Variants in NRG3 observed in about 807,000 individuals in gnomAD.
NRG3 encodes the protein pro-neuregulin-3, membrane-bound isoform.
NRG3 carries 31 observed loss-of-function variants against 66.9 expected under a neutral mutation model. That is an observed-to-expected ratio of 0.46 (90% CI 0.35 to 0.63). The LOEUF (loss-of-function observed/expected upper bound fraction) is 0.63. NRG3 is among the 20% of genes least tolerant of loss of function. NRG3 has a pLI of 0.00. For synonymous variants in NRG3, 393 were observed against 359.4 expected (o/e 1.09, Z -1.06); for missense variants, 910 against 878.9 (o/e 1.04, Z -0.45).
At chr10:82,633,695 C>T (rs982529168) in intron 2 of NRG3, among the ~76,000 whole-genome samples, 2 of 152,106 alleles carry the variant, frequency 1.3e-5, no homozygotes, top group African/African-American at 4.8e-5. Context: ...AAAGTCTGTT[C>T]CAGCGAGCTC....
chr10:81,975,070 C>G (rs558408338), intron 1 of NRG3, among the ~76,000 whole-genome samples: 2 of 151,188 alleles, frequency 1.3e-5, no homozygotes, highest in South Asian at 2.1e-4. Context: ...ACATATAGCT[C>G]TACACACAGC....
At chr10:82,264,230 A>G (rs996831719) in intron 1 of NRG3, among the ~76,000 whole-genome samples, 1 of 152,138 alleles carries the variant, frequency 6.6e-6, no homozygotes, top group African/African-American at 2.4e-5. Context: ...GGTTTAATGG[A>G]CTCACAGTTC....
chr10:81,875,316 G>A lies in NRG3; in HGVS notation c.-25G>A. On this transcript the variant is annotated 5_prime_UTR_variant, in exon 1 of 9. Coordinates refer to ENST00000372141, the MANE Select transcript of NRG3 (RefSeq NM_001010848.4). The surrounding 1 kb of genome is among the most constrained non-coding windows in gnomAD (Gnocchi z 5.3). Reference sequence around the variant, plus strand: ...TGCCTCTGCCGCGGCCCTCGGGGGGGCGAAGGTGAAGACCGGCTCCTAGGA... The same window carrying A: ...TGCCTCTGCCGCGGCCCTCGGGGGGACGAAGGTGAAGACCGGCTCCTAGGA... 3 of 984,760 alleles carry A rather than the reference G, an allele frequency of 3.0e-6. No individual in the cohort carries two copies. Among genetic ancestry groups the A allele is most frequent in the South Asian group, 4.5e-5 (1 of 22,114 alleles). 61.0% of individuals were successfully genotyped at this position (984,760 alleles called of 1,614,324 possible). A position where few individuals can be genotyped will look rare whatever the true frequency, so the allele number is the denominator to read the frequency against.
intron 1 of NRG3, among the ~76,000 whole-genome samples, chr10:82,150,731 C>T (rs1220837427): frequency 6.6e-6 from 1 of 152,054 alleles, no homozygotes; most frequent in African/African-American, 2.4e-5. Flanking sequence ...ATCCGTCTTT[C>T]ATCTGCTTCT....
chr10:82,644,161 C>T (rs978192743), intron 2 of NRG3, among the ~76,000 whole-genome samples: 1 of 152,022 alleles, frequency 6.6e-6, no homozygotes, highest in African/African-American at 2.4e-5. Context: ...GAACCTAATG[C>T]TCCTTATATA....
chr10:82,145,399 C>T (rs902363568), intron 1 of NRG3, among the ~76,000 whole-genome samples: 1 of 152,006 alleles, frequency 6.6e-6, no homozygotes, highest in Non-Finnish European at 1.5e-5. Flanking sequence ...GCTTTGAGCC[C>T]AAGAATCTTC....
intron 1 of NRG3, among the ~76,000 whole-genome samples, chr10:82,049,315 T>C (rs1412483927): frequency 6.6e-6 from 1 of 152,114 alleles, no homozygotes; most frequent in East Asian, 1.9e-4. Flanking sequence ...CCCTTCATCA[T>C]TTTCACCTTG....
chr10:82,150,426 A>G (rs1326500800), intron 1 of NRG3, among the ~76,000 whole-genome samples: 1 of 149,366 alleles, frequency 6.7e-6, no homozygotes, highest in African/African-American at 2.5e-5. Context: ...ACTCCGCCCA[A>G]TCCCCACCTC....
chr10:82,133,904 C>T (rs1252428565), intron 1 of NRG3, among the ~76,000 whole-genome samples: 1 of 152,128 alleles, frequency 6.6e-6, no homozygotes, highest in Non-Finnish European at 1.5e-5. Context: ...GTTCCCTTTT[C>T]TCTGCAACCT....
At chr10:82,566,073 A>C (rs1337332658) in intron 2 of NRG3, among the ~76,000 whole-genome samples, 2 of 152,088 alleles carry the variant, frequency 1.3e-5, no homozygotes, top group Non-Finnish European at 2.9e-5. Context: ...CTGTGATGAA[A>C]AAATAGGATA....
At chr10:82,855,134 G>A (rs2063741712) in intron 3 of NRG3, among the ~76,000 whole-genome samples, 1 of 152,080 alleles carries the variant, frequency 6.6e-6, no homozygotes, top group African/African-American at 2.4e-5. Flanking sequence ...TCAGAGCAGT[G>A]TTTCTTAAAA....
At chr10:82,164,641 G>C (rs1183557073) in intron 1 of NRG3, among the ~76,000 whole-genome samples, 2 of 152,152 alleles carry the variant, frequency 1.3e-5, no homozygotes, top group Non-Finnish European at 2.9e-5. Context: ...CAAGTAGCAG[G>C]GGGGAGATTT....
intron 1 of NRG3, among the ~76,000 whole-genome samples, chr10:82,276,185 C>T (rs182511539): frequency 6.6e-6 from 1 of 151,890 alleles, no homozygotes; most frequent in Non-Finnish European, 1.5e-5. Flanking sequence ...AGTAATTGTC[C>T]TGAATTCCTA....
intron 2 of NRG3, among the ~76,000 whole-genome samples, chr10:82,526,076 G>A (rs1174218653): frequency 6.6e-6 from 1 of 151,880 alleles, no homozygotes; most frequent in African/African-American, 2.4e-5. Flanking sequence ...GTCTAAGTTA[G>A]CGAGCTATGA....
chr10:82,118,028 A>G (rs1286905921), intron 1 of NRG3, among the ~76,000 whole-genome samples: 3 of 152,060 alleles, frequency 2.0e-5, no homozygotes, highest in Non-Finnish European at 4.4e-5. Context: ...GGTAGCACCA[A>G]CACAGCCTGA....
chr10:82,272,011 G>T (rs942768819), intron 1 of NRG3, among the ~76,000 whole-genome samples: 11 of 152,028 alleles, frequency 7.2e-5, no homozygotes, highest in Non-Finnish European at 1.0e-4. Context: ...CTATTCTACT[G>T]GAGATTATCT....
At chr10:82,917,674 A>G (rs988063799) in intron 4 of NRG3, among the ~76,000 whole-genome samples, 1 of 152,044 alleles carries the variant, frequency 6.6e-6, no homozygotes, top group South Asian at 2.1e-4. Flanking sequence ...GGTGTATTTT[A>G]TAGCATCTTG....
chr10:82,349,680 A>T (rs2083289259), intron 1 of NRG3, among the ~76,000 whole-genome samples: 1 of 151,904 alleles, frequency 6.6e-6, no homozygotes, highest in African/African-American at 2.4e-5. Flanking sequence ...GCCGCCTTGC[A>T]GTTTGATCTC....
At chr10:82,235,942 A>G (rs577630966) in intron 1 of NRG3, among the ~76,000 whole-genome samples, 16 of 152,120 alleles carry the variant, frequency 1.1e-4, no homozygotes, top group Non-Finnish European at 1.6e-4. Flanking sequence ...TACAATGAAC[A>G]TTATTTAGCA....
Sources: gnomAD v4.1 joint callset for allele counts (sites outside exome capture counted in the v4.1 genomes callset) on GRCh38, gnomAD v4.1.1 for gene constraint, Gnocchi (gnomAD v3.1) non-coding constraint, MANE v1.5 for transcripts, NCBI Gene and HGNC (gene_info 2026-07-23, HGNC 2026-07-21) for gene names.